GRM7: variants seen among roughly 807,000 people sequenced by gnomAD.
GRM7 encodes the protein glutamate metabotropic receptor 7, also known as metabotropic glutamate receptor 7.
A neutral mutation model predicts 84.5 loss-of-function variants in GRM7; 35 were observed. That is an observed-to-expected ratio of 0.41 (90% CI 0.32 to 0.55). The LOEUF (loss-of-function observed/expected upper bound fraction) is 0.55, where lower values mean the gene tolerates loss of function less well. Among genes scored for constraint, GRM7 ranks in the 20% least tolerant of loss-of-function variants. The probability of loss-of-function intolerance (pLI) is 0.19; values close to 1 mark genes in which losing one functional copy is unlikely to be tolerated. For missense variants in GRM7, 1,003 were observed against 1,194.6 expected (o/e 0.84, Z 2.36); for synonymous variants, 487 against 455.1 (o/e 1.07, Z -0.89).
rs184056997 is a variant in GRM7 at position 7,259,251 on chromosome 3, G to C, written c.737-39433G>C. 4.1e-3 allele frequency among the ~76,000 whole-genome samples: 620 copies of C among 152,264 alleles called. 11 individuals carry two copies. Among genetic ancestry groups the C allele is most frequent in the Non-Finnish European group, 1.9e-3 (130 of 68,012 alleles). On this transcript the variant is annotated intron_variant, in intron 2 of 9. Transcript: ENST00000357716. ...GTTTTGCCATCTGTAAAGTGATGGT[G>C]ATCAAATGAGCAAGTGTATTTATTT...
chr3:7,469,314 G>C, intron 7 of GRM7, among the ~76,000 whole-genome samples: 1 of 152,208 alleles, frequency 6.6e-6, no homozygotes, highest in East Asian at 1.9e-4. Context: ...CTGTAAGCTT[G>C]TTCCAAGTGC....
intron 1 of GRM7, among the ~76,000 whole-genome samples, chr3:7,058,735 A>G (rs1211875771): frequency 6.6e-6 from 1 of 151,838 alleles, no homozygotes; most frequent in Non-Finnish European, 1.5e-5. Flanking sequence ...AGGGTCATTT[A>G]TAAACTGATG....
At chr3:6,891,366 G>A (rs1415637270) in intron 1 of GRM7, among the ~76,000 whole-genome samples, 1 of 152,182 alleles carries the variant, frequency 6.6e-6, no homozygotes, top group African/African-American at 2.4e-5. Flanking sequence ...TGCAGTGGCT[G>A]GTACCGGTTG....
intron 7 of GRM7, among the ~76,000 whole-genome samples, chr3:7,474,052 G>A (rs561045706): frequency 6.6e-6 from 1 of 152,170 alleles, no homozygotes; most frequent in Non-Finnish European, 1.5e-5. Context: ...AGCTTCTACA[G>A]AGTTCTCTGA....
At chr3:7,433,811 T>C (rs755869547) in intron 5 of GRM7, among the ~76,000 whole-genome samples, 1 of 152,218 alleles carries the variant, frequency 6.6e-6, no homozygotes, top group Non-Finnish European at 1.5e-5. Flanking sequence ...ATTTTGTCTG[T>C]ATTGTGATAA....
intron 5 of GRM7, among the ~76,000 whole-genome samples, chr3:7,424,505 A>G (rs1396408969): frequency 6.6e-6 from 1 of 152,192 alleles, no homozygotes; most frequent in African/African-American, 2.4e-5. Context: ...TAGTCAGGGT[A>G]AGTAATGCCC....
chr3:7,059,473 T>C (rs1169937017), intron 1 of GRM7, among the ~76,000 whole-genome samples: 1 of 151,818 alleles, frequency 6.6e-6, no homozygotes, highest in Non-Finnish European at 1.5e-5. Context: ...CTAAACACAT[T>C]AAAAGATTCA....
intron 1 of GRM7, among the ~76,000 whole-genome samples, chr3:6,910,670 G>A (rs1459888781): frequency 6.6e-6 from 1 of 152,118 alleles, no homozygotes. Context: ...AGAATTGCTT[G>A]AGGCCAGAAA....
chr3:7,200,006 C>G (rs1044778888), intron 2 of GRM7, among the ~76,000 whole-genome samples: 1 of 152,160 alleles, frequency 6.6e-6, no homozygotes, highest in African/African-American at 2.4e-5. Context: ...AGTGCTGCAC[C>G]TGGTTGGTTC....
At chr3:7,446,949 T>C (rs1332074691) in intron 5 of GRM7, among the ~76,000 whole-genome samples, 1 of 152,208 alleles carries the variant, frequency 6.6e-6, no homozygotes, top group Non-Finnish European at 1.5e-5. Context: ...TTAGAAATTC[T>C]GAGAGTGAAA....
At chr3:6,898,274 G>C (rs1346852761) in intron 1 of GRM7, among the ~76,000 whole-genome samples, 2 of 152,116 alleles carry the variant, frequency 1.3e-5, no homozygotes, top group African/African-American at 4.8e-5. Context: ...CTTCAGGGTA[G>C]AACTGGCATT....
At chr3:7,545,008 G>A (rs1192944819) in intron 7 of GRM7, among the ~76,000 whole-genome samples, 1 of 152,184 alleles carries the variant, frequency 6.6e-6, no homozygotes, top group Non-Finnish European at 1.5e-5. Context: ...TATCTTGTTT[G>A]AACAGTATCC....
At chr3:7,399,179 C>CAATAATAATAAT (rs146619960) in intron 4 of GRM7, among the ~76,000 whole-genome samples, 11 of 146,270 alleles carry the variant, frequency 7.5e-5, no homozygotes, top group African/African-American at 2.3e-4. Context: ...ACAACAAGAA[C>CAATAATAATAAT]AATAATAATA....
chr3:7,299,547 A>G (rs1046982112), intron 3 of GRM7, among the ~76,000 whole-genome samples: 27 of 152,238 alleles, frequency 1.8e-4, no homozygotes, highest in Non-Finnish European at 2.2e-4. Context: ...ATCTTGTCGC[A>G]TAGCTAACAA....
chr3:7,517,377 AG>A (rs1700431030), intron 7 of GRM7, among the ~76,000 whole-genome samples: 2 of 151,302 alleles, frequency 1.3e-5, no homozygotes, highest in African/African-American at 4.9e-5. Context: ...TATTAGTAGT[AG>A]TAGTAGTATT....
intron 6 of GRM7, among the ~76,000 whole-genome samples, chr3:7,457,929 G>T (rs2124901698): frequency 6.6e-6 from 1 of 152,272 alleles, no homozygotes; most frequent in East Asian, 1.9e-4. Flanking sequence ...TGTCCCCACA[G>T]AGCTCTGACC....
At chr3:7,454,806 A>C (rs1008308700) in intron 6 of GRM7, among the ~76,000 whole-genome samples, 1 of 152,146 alleles carries the variant, frequency 6.6e-6, no homozygotes, top group Non-Finnish European at 1.5e-5. Flanking sequence ...GTAAATATAG[A>C]AGTAAATTTT....
At chr3:7,329,692 A>G (rs1701123079) in intron 4 of GRM7, among the ~76,000 whole-genome samples, 1 of 152,152 alleles carries the variant, frequency 6.6e-6, no homozygotes, top group African/African-American at 2.4e-5. Flanking sequence ...GGTGTGTCTC[A>G]TCTATGATTT....
At chr3:7,189,482 T>C (rs1695634886) in intron 2 of GRM7, among the ~76,000 whole-genome samples, 2 of 152,222 alleles carry the variant, frequency 1.3e-5, no homozygotes, top group Admixed American at 1.3e-4. Flanking sequence ...GCCTGGCATA[T>C]AGCAAATGCT....
Sources: allele counts gnomAD v4.1 joint callset (sites outside exome capture counted in the v4.1 genomes callset), GRCh38; gene constraint gnomAD v4.1.1; transcripts MANE v1.5; gene names NCBI Gene and HGNC (gene_info 2026-07-23, HGNC 2026-07-21).